The following STK24 variants were observed in gnomAD, a reference collection of about 807,000 sequenced individuals.
The protein encoded by STK24 is serine/threonine kinase 24.
In STK24, 21 loss-of-function variants were observed where a neutral mutation model predicts 55.6. The observed-to-expected ratio is 0.38, with a 90% confidence interval of 0.27 to 0.54. STK24 has a LOEUF of 0.54. Among genes scored for constraint, STK24 ranks in the 20% least tolerant of loss-of-function variants. The pLI is 0.79. For missense variants in STK24, 383 were observed against 538.4 expected (o/e 0.71, Z 2.86); for synonymous variants, 200 against 215.2 (o/e 0.93, Z 0.62).
At chr13:98,551,788 AG>A (rs1401486934) in intron 1 of STK24, among the ~76,000 whole-genome samples, 29 of 152,244 alleles carry the variant, frequency 1.9e-4, no homozygotes, top group Non-Finnish European at 3.8e-4. Context: ...TAAGGACAGC[AG>A]GTATGGCGTA....
chr13:98,492,282 G>A (rs1001918421), intron 2 of STK24, among the ~76,000 whole-genome samples: 2 of 152,134 alleles, frequency 1.3e-5, no homozygotes, highest in East Asian at 1.9e-4. Flanking sequence ...TTCCTATTAA[G>A]GAAGGATGAG....
At chr13:98,508,897 C>A (rs1201550259) in intron 2 of STK24, 1 of 139,328 alleles carries the variant, frequency 7.2e-6, no homozygotes, top group African/African-American at 2.5e-5. Flanking sequence ...TTCATCAGTT[C>A]TCAAAGGGAT....
At chr13:98,492,744 T>C (rs530894784) in intron 2 of STK24, among the ~76,000 whole-genome samples, 97 of 152,318 alleles carry the variant, frequency 6.4e-4, no homozygotes, top group African/African-American at 2.3e-3. Flanking sequence ...CTGTACTAAA[T>C]ACTTCATGAA....
chr13:98,469,750 G>A (rs1397911072), intron 5 of STK24, among the ~76,000 whole-genome samples: 1 of 152,026 alleles, frequency 6.6e-6, no homozygotes, highest in Non-Finnish European at 1.5e-5. Flanking sequence ...TTCTCCCCAG[G>A]ACTTCTGTAG....
At chr13:98,551,793 T>C (rs1047640560) in intron 1 of STK24, among the ~76,000 whole-genome samples, 5 of 152,242 alleles carry the variant, frequency 3.3e-5, no homozygotes, top group African/African-American at 1.2e-4. Flanking sequence ...ACAGCAGGTA[T>C]GGCGTAGGCA....
Position 98,447,170 on chromosome 13 carries a change from C to G in STK24, c.*6003G>C, listed in dbSNP as rs932994837. 2 of 209,586 alleles carry G rather than the reference C, an allele frequency of 9.5e-6. No individual in the cohort carries two copies. Among genetic ancestry groups the G allele is most frequent in the East Asian group, 1.3e-4 (1 of 7,904 alleles). 13.0% of individuals were successfully genotyped at this position (209,586 alleles called of 1,614,324 possible). A position where few individuals can be genotyped will look rare whatever the true frequency, so the allele number is the denominator to read the frequency against. ...ACTTCATTTAGCCAAGAAAGAAATGCAACAGTCAGGCCTAAGACTGTTCCT... is the reference window on the plus strand; with the variant it reads ...ACTTCATTTAGCCAAGAAAGAAATGGAACAGTCAGGCCTAAGACTGTTCCT... On this transcript the variant is annotated 3_prime_UTR_variant, in exon 11 of 11. Coordinates refer to ENST00000539966, the MANE Select transcript of STK24 (RefSeq NM_001032296.4).
chr13:98,472,417 G>A (rs1295430812), intron 5 of STK24, among the ~76,000 whole-genome samples: 5 of 152,184 alleles, frequency 3.3e-5, no homozygotes, highest in Admixed American at 2.6e-4. Flanking sequence ...GACAGCTCTC[G>A]AATAAAGGTT....
chr13:98,512,699 T>A (rs1053468903), intron 2 of STK24, among the ~76,000 whole-genome samples: 1 of 145,432 alleles, frequency 6.9e-6, no homozygotes, highest in Admixed American at 7.0e-5. Context: ...TTGGTCATTA[T>A]CAGTTTGCTA....
At chr13:98,482,743 C>CT (rs1260925889) in intron 2 of STK24, among the ~76,000 whole-genome samples, 1 of 152,226 alleles carries the variant, frequency 6.6e-6, no homozygotes, top group African/African-American at 2.4e-5. Flanking sequence ...ACCCTCTCCT[C>CT]TTCCTCCCTC....
At chr13:98,460,522 T>TTTTTTA in intron 8 of STK24, 82 bp from the exon 9 acceptor site, 1 of 1,191,088 alleles carries the variant, frequency 8.4e-7, no homozygotes. Flanking sequence ...CCACCTGGAC[T>TTTTTTA]ATGGAAGCGC....
In STK24 at chr13:98,447,870, A is replaced by G. The variant is rs1302086084; in HGVS notation, c.*5303T>C. On this transcript the variant is annotated 3_prime_UTR_variant, in exon 11 of 11. Transcript: ENST00000539966. ...AAAAAAAAAAGAAAAAGAAAAAAGG[A>G]AGGGAGAGCTTCCACTAAGCAGGAT... 8.7e-6 allele frequency: 2 copies of G among 230,968 alleles called. No homozygotes were observed. Among genetic ancestry groups the G allele is most frequent in the Non-Finnish European group, 1.7e-5 (2 of 118,812 alleles). The allele number at this position is 230,968 out of a possible 1,614,324, so 14.3% of individuals were successfully genotyped here.
intron 6 of STK24, 109 bp from the exon 7 acceptor site, chr13:98,463,945 T>C: frequency 7.8e-7 from 1 of 1,282,104 alleles, no homozygotes; most frequent in Non-Finnish European, 1.1e-6. Context: ...ACCTGATGGC[T>C]GGACTCTCTA....
At position 98,448,248 on chromosome 13, in the gene STK24, G is replaced by C. The variant is rs147970162; in HGVS notation, c.*4925C>G. The stretch of plus-strand genomic sequence containing the variant: ...TCCCGTGTTGCAGGTGGATGGAAGT[G>C]ATCCGCAGTGCCACCAGCTCTGCCT... On this transcript the variant is annotated 3_prime_UTR_variant, in exon 11 of 11. Transcript: ENST00000539966. 6.2e-7 allele frequency: 1 copy of C among 1,613,994 alleles called. No homozygotes were observed. Among genetic ancestry groups the C allele is most frequent in the Admixed American group, 1.7e-5 (1 of 60,032 alleles).
intron 1 of STK24, among the ~76,000 whole-genome samples, chr13:98,569,063 C>T (rs1235510253): frequency 6.6e-6 from 1 of 151,962 alleles, no homozygotes; most frequent in Non-Finnish European, 1.5e-5. Flanking sequence ...CGAAAACAGC[C>T]CCACTCCAAG....
At chr13:98,498,029 T>G (rs1321734779) in intron 2 of STK24, among the ~76,000 whole-genome samples, 1 of 152,234 alleles carries the variant, frequency 6.6e-6, no homozygotes, top group Non-Finnish European at 1.5e-5. Context: ...GTCTTATGGA[T>G]GCATTTTCTG....
rs1892880911 is a variant in STK24, at chr13:98,446,910, C to T, written c.*6263G>A. On this transcript the variant is annotated 3_prime_UTR_variant, in exon 11 of 11. Transcript: ENST00000539966. Reference sequence around the variant, plus strand: ...CTCCCAAGTCAGCGAGTGAGATGGCCCCACCCTTCCCTGCCAACTAAGCGT... The same window carrying T: ...CTCCCAAGTCAGCGAGTGAGATGGCTCCACCCTTCCCTGCCAACTAAGCGT... 7.5e-7 allele frequency: 1 copy of T among 1,336,262 alleles called. No homozygotes were observed. The highest frequency in any genetic ancestry group is 1.1e-6 in the Non-Finnish European group (1 of 949,860). 82.8% of individuals were successfully genotyped at this position (1,336,262 alleles called of 1,614,324 possible).
intron 1 of STK24, among the ~76,000 whole-genome samples, chr13:98,570,815 T>C (rs1897719753): frequency 6.6e-6 from 1 of 152,230 alleles, no homozygotes; most frequent in African/African-American, 2.4e-5. Flanking sequence ...TTGGCACTTA[T>C]ATTTTTTATA....
At chr13:98,521,722 T>C (rs1348357387) in intron 1 of STK24, 3 of 771,742 alleles carry the variant, frequency 3.9e-6, no homozygotes, top group East Asian at 4.9e-5. Context: ...TAATGAAACA[T>C]ACCCCGTTTT....
intron 2 of STK24, among the ~76,000 whole-genome samples, chr13:98,507,132 CT>C (rs1161735017): frequency 6.6e-6 from 1 of 152,224 alleles, no homozygotes; most frequent in East Asian, 1.9e-4. Flanking sequence ...ATTCTCCCTC[CT>C]CAACTTTGTA....
Sources: allele counts gnomAD v4.1 joint callset (sites outside exome capture counted in the v4.1 genomes callset), GRCh38; gene constraint gnomAD v4.1.1; transcripts MANE v1.5; gene names NCBI Gene and HGNC (gene_info 2026-07-23, HGNC 2026-07-21).